The following OR2L13 variants were observed in gnomAD, a reference collection of about 807,000 sequenced individuals.
OR2L13 encodes the protein olfactory receptor family 2 subfamily L member 13.
OR2L13 carries 14 observed loss-of-function variants against 15.3 expected under a neutral mutation model. That is an observed-to-expected ratio of 0.91 (90% confidence interval 0.60 to 1.43). The LOEUF (loss-of-function observed/expected upper bound fraction) is 1.43. Ranked by LOEUF, OR2L13 falls within the 40% of genes most tolerant of loss-of-function variation. The probability of loss-of-function intolerance (pLI) is 0.00; values close to 1 mark genes in which losing one functional copy is unlikely to be tolerated. For synonymous variants in OR2L13, 152 were observed against 142.9 expected (o/e 1.06, Z -0.45); for missense variants, 367 against 387.9 (o/e 0.95, Z 0.45).
chr1:248,068,309 G>T, the OR2L13 span, among the ~76,000 whole-genome samples: 4 of 152,024 alleles, frequency 2.6e-5, no homozygotes, highest in African/African-American at 7.2e-5. Context: ...ATTTCCAGAG[G>T]AATGATCAGA....
chr1:247,998,615 T>A, the OR2L13 span, among the ~76,000 whole-genome samples: 1 of 152,138 alleles, frequency 6.6e-6, no homozygotes, highest in African/African-American at 2.4e-5. Context: ...AAAAGGGCAT[T>A]AAAGTAAAGG....
the OR2L13 span, among the ~76,000 whole-genome samples, chr1:247,938,421 G>A: frequency 6.6e-6 from 1 of 152,040 alleles, no homozygotes; most frequent in Admixed American, 6.5e-5. Flanking sequence ...GTAAAAATCC[G>A]AATAGCAAGA....
At chr1:248,014,956 A>G in the OR2L13 span, among the ~76,000 whole-genome samples, 44 of 152,272 alleles carry the variant, frequency 2.9e-4, no homozygotes, top group Non-Finnish European at 5.7e-4. Flanking sequence ...ATAACAGTCA[A>G]AGGATACTTC....
At chr1:248,091,947 T>G (rs2103188835), upstream of OR2L13, among the ~76,000 whole-genome samples, 1 of 152,298 alleles carries the variant, frequency 6.6e-6, no homozygotes, top group South Asian at 2.1e-4. Context: ...TTCTATTTGT[T>G]GGTGTCTCTC....
At chr1:247,949,527 G>A in the OR2L13 span, 1 of 1,614,006 alleles carries the variant, frequency 6.2e-7, no homozygotes. Flanking sequence ...TCTCTTTGCT[G>A]TCTACCACAT....
chr1:248,096,244 G>T (rs185748409), upstream of OR2L13, among the ~76,000 whole-genome samples: 1 of 151,846 alleles, frequency 6.6e-6, no homozygotes, highest in Non-Finnish European at 1.5e-5. Context: ...TTAGCCGGGC[G>T]TGGTGGTGGG....
At chr1:247,942,541 T>A in the OR2L13 span, among the ~76,000 whole-genome samples, 1,167 of 152,260 alleles carry the variant, frequency 7.7e-3, 15 homozygotes, top group African/African-American at 0.026. Flanking sequence ...TATTGATTCC[T>A]AATGACATTT....
chr1:247,961,560 C>T, the OR2L13 span, among the ~76,000 whole-genome samples: 3 of 152,130 alleles, frequency 2.0e-5, no homozygotes, highest in African/African-American at 7.2e-5. Flanking sequence ...ATGTCCGGTT[C>T]AGATGGACCA....
the OR2L13 span, among the ~76,000 whole-genome samples, chr1:247,979,596 A>T: frequency 5.1e-3 from 772 of 152,024 alleles, 8 homozygotes; most frequent in African/African-American, 0.018. Flanking sequence ...AGTCTTTGCT[A>T]TTGTGAATAG....
At chr1:248,054,854 G>T in the OR2L13 span, among the ~76,000 whole-genome samples, 3 of 152,124 alleles carry the variant, frequency 2.0e-5, no homozygotes, top group Non-Finnish European at 4.4e-5. Flanking sequence ...GAGTCAGTCT[G>T]GTTTTCTAGA....
the OR2L13 span, chr1:247,975,358 A>C: frequency 1.7e-6 from 1 of 581,396 alleles, no homozygotes; most frequent in East Asian, 3.6e-5. Context: ...CTTTATTGGT[A>C]TTGCATGTTC....
the OR2L13 span, among the ~76,000 whole-genome samples, chr1:247,994,245 A>T: frequency 6.6e-6 from 1 of 152,076 alleles, no homozygotes; most frequent in African/African-American, 2.4e-5. Context: ...AAAATACAAA[A>T]AATTAGCCGG....
the OR2L13 span, among the ~76,000 whole-genome samples, chr1:248,007,182 A>G: frequency 6.6e-6 from 1 of 152,190 alleles, no homozygotes; most frequent in Non-Finnish European, 1.5e-5. Context: ...AGTTGACTGA[A>G]AAACAATATG....
the OR2L13 span, among the ~76,000 whole-genome samples, chr1:247,959,532 G>A: frequency 2.6e-5 from 4 of 151,788 alleles, no homozygotes; most frequent in Admixed American, 6.6e-5. Context: ...ATATCCTGCA[G>A]AGTGTTTTGC....
the OR2L13 span, among the ~76,000 whole-genome samples, chr1:248,086,993 G>T: frequency 6.6e-6 from 1 of 151,938 alleles, no homozygotes; most frequent in East Asian, 1.9e-4. Context: ...TTCTGAAGCT[G>T]GTAGGTAAAC....
the OR2L13 span, among the ~76,000 whole-genome samples, chr1:248,057,927 T>C: frequency 6.6e-6 from 1 of 152,232 alleles, no homozygotes; most frequent in East Asian, 1.9e-4. Context: ...GAAATAATTT[T>C]AGTTCTTTCT....
the OR2L13 span, among the ~76,000 whole-genome samples, chr1:247,992,650 T>C: frequency 6.6e-6 from 1 of 152,192 alleles, no homozygotes; most frequent in Non-Finnish European, 1.5e-5. Context: ...CCTCAGTCAA[T>C]TTGCTTAGGA....
At chr1:248,066,122 T>A in the OR2L13 span, among the ~76,000 whole-genome samples, 45 of 152,234 alleles carry the variant, frequency 3.0e-4, 1 homozygote, top group Non-Finnish European at 8.8e-5. Context: ...TTGAGCCAGT[T>A]TCTCTTTTTT....
At chr1:248,100,612 G>C (rs905298414) in exon 3 of OR2L13, 1 of 173,028 alleles carries the variant, frequency 5.8e-6, no homozygotes. Context: ...CTTGTATATT[G>C]ACATAGAATT....
Sources: gnomAD v4.1 joint callset for allele counts (sites outside exome capture counted in the v4.1 genomes callset) on GRCh38, gnomAD v4.1.1 for gene constraint, MANE v1.5 for transcripts, NCBI Gene and HGNC (gene_info 2026-07-23, HGNC 2026-07-21) for gene names.